Variants in ATE1 observed in about 807,000 individuals in gnomAD.
ATE1 encodes the protein arginyl-tRNA--protein transferase 1.
A neutral mutation model predicts 70.5 loss-of-function variants in ATE1; 36 were observed. The ratio of observed to expected loss-of-function variants is 0.51; its 90% CI spans 0.39 to 0.67. The LOEUF is 0.67. ATE1 is among the 30% of genes least tolerant of loss of function. ATE1 has a pLI of 0.00. For synonymous variants in ATE1, 232 were observed against 219.3 expected, an observed-to-expected ratio of 1.06 and a Z score of -0.51; for missense variants, 593 against 629.5, an observed-to-expected ratio of 0.94 and a Z score of 0.62.
At chr10:121,811,439 A>G (rs1003115835) in intron 10 of ATE1, among the ~76,000 whole-genome samples, 3 of 152,242 alleles carry the variant, frequency 2.0e-5, no homozygotes, top group Non-Finnish European at 2.9e-5. Context: ...AATATTTACA[A>G]ATAAATAGTT....
At chr10:121,744,487 C>G (rs1452433091) in intron 11 of ATE1, among the ~76,000 whole-genome samples, 3 of 152,116 alleles carry the variant, frequency 2.0e-5, no homozygotes, top group Non-Finnish European at 4.4e-5. Context: ...ATAAAGTTTA[C>G]AACTCTCCGG....
At chr10:121,889,604 A>G (rs1466493848) in intron 7 of ATE1, among the ~76,000 whole-genome samples, 1 of 152,120 alleles carries the variant, frequency 6.6e-6, no homozygotes, top group Non-Finnish European at 1.5e-5. Flanking sequence ...GGAGTTCAAG[A>G]CCAGCCTGAG....
At chr10:121,905,925 T>C (rs1011629117) in intron 5 of ATE1, among the ~76,000 whole-genome samples, 1 of 151,988 alleles carries the variant, frequency 6.6e-6, no homozygotes, top group East Asian at 1.9e-4. Context: ...TTCAACAGAA[T>C]GAAAATAGAT....
At chr10:121,749,974 C>G (rs533115478) in intron 11 of ATE1, among the ~76,000 whole-genome samples, 1 of 152,304 alleles carries the variant, frequency 6.6e-6, no homozygotes, top group Non-Finnish European at 1.5e-5. Flanking sequence ...GCTTAATGTT[C>G]TGTGGTCTTA....
intron 11 of ATE1, among the ~76,000 whole-genome samples, chr10:121,760,429 G>C (rs576701820): frequency 6.6e-6 from 1 of 152,328 alleles, no homozygotes; most frequent in South Asian, 2.1e-4. Context: ...ACAGACATTT[G>C]GACGAAGTTG....
intron 8 of ATE1, among the ~76,000 whole-genome samples, chr10:121,856,674 AG>A (rs1271276743): frequency 6.6e-6 from 1 of 152,264 alleles, no homozygotes; most frequent in Non-Finnish European, 1.5e-5. Context: ...TAGTCTATTA[AG>A]TGTGCAACAG....
intron 7 of ATE1, among the ~76,000 whole-genome samples, chr10:121,873,194 G>C (rs2134044356): frequency 6.6e-6 from 1 of 152,186 alleles, no homozygotes; most frequent in Non-Finnish European, 1.5e-5. Context: ...TGATTCACTT[G>C]ATAAAATTTA....
chr10:121,916,416 A>T (rs1372585875), intron 3 of ATE1, among the ~76,000 whole-genome samples: 1 of 152,098 alleles, frequency 6.6e-6, no homozygotes, highest in African/African-American at 2.4e-5. Context: ...TTGAGCAGTG[A>T]ATCAAAGTTT....
chr10:121,790,277 G>C lies in ATE1; in HGVS notation c.1270C>G (p.Pro424Ala). 1.9e-6 allele frequency: 3 copies of C among 1,613,914 alleles called. No homozygotes were observed. Among genetic ancestry groups the C allele is most frequent in the Non-Finnish European group, 2.5e-6 (3 of 1,179,902 alleles). Residue 424 changes from proline (P) to alanine (A), a missense_variant, in exon 11 of 12, where the codon CCT becomes GCT. Around this residue, in one of 3 missense-constraint regions of ATE1, gnomAD observed 36 missense variants for 66.3 expected, o/e 0.54. Transcript: ENST00000224652. ...GTCTCAGGGCACAGCAAATCAGAAG[G>C]TCTATACTGACCCTGAAGAAAAGTG... ...PKMKYKGQYR[P>A]SDLLCPETYV...
rs1951016629 is a variant in ATE1 at position 121,902,401 on chromosome 10, T to C, written c.803A>G (p.His268Arg). ...AGTCCTCCAAAGTACCTCTAACTTG[T>C]GTGATGCATTCTCTGGTAAAGACTC... is the stretch of plus-strand genomic sequence containing the variant. ...IFESLPENAS[H>R]KLEVRVVRSS... The change falls in exon 6 of 12, where the codon CAC (histidine) becomes CGC (arginine). Residue 268 changes from histidine (H) to arginine (R), a missense_variant. Transcript: ENST00000224652. 1.9e-6 allele frequency: 3 copies of C among 1,613,738 alleles called. No homozygotes were observed. Among genetic ancestry groups the C allele is most frequent in the Non-Finnish European group, 2.5e-6 (3 of 1,179,722 alleles).
chr10:121,876,923 G>A (rs1370613010), intron 7 of ATE1, among the ~76,000 whole-genome samples: 5 of 148,138 alleles, frequency 3.4e-5, no homozygotes, highest in Non-Finnish European at 4.4e-5. Flanking sequence ...CCGAGATAGC[G>A]CCACTGCACT....
At chr10:121,844,278 A>G (rs1439954291) in intron 8 of ATE1, among the ~76,000 whole-genome samples, 1 of 152,238 alleles carries the variant, frequency 6.6e-6, no homozygotes, top group Non-Finnish European at 1.5e-5. Context: ...ATAAGGGAGA[A>G]GGGGCAAATG....
At chr10:121,897,634 T>C (rs1950828574) in intron 7 of ATE1, among the ~76,000 whole-genome samples, 1 of 152,102 alleles carries the variant, frequency 6.6e-6, no homozygotes, top group African/African-American at 2.4e-5. Context: ...AAGACCAACC[T>C]AGCCAACATG....
At chr10:121,839,362 A>G (rs1316972769) in intron 9 of ATE1, among the ~76,000 whole-genome samples, 1 of 152,224 alleles carries the variant, frequency 6.6e-6, no homozygotes, top group Admixed American at 6.5e-5. Context: ...TGTAGAAATA[A>G]ATTTCACCCT....
At chr10:121,831,587 T>C (rs948747554) in intron 10 of ATE1, among the ~76,000 whole-genome samples, 3 of 152,190 alleles carry the variant, frequency 2.0e-5, no homozygotes, top group African/African-American at 7.2e-5. Context: ...CCTAGTAACA[T>C]TTCATGCTGA....
upstream of ATE1, chr10:121,928,173 GGCCGCC>G (rs1952183437): frequency 2.3e-6 from 3 of 1,295,032 alleles, no homozygotes; most frequent in Admixed American, 1.2e-4. Flanking sequence ...CTCCATAAGG[GGCCGCC>G]GTCGTCAGTG....
intron 11 of ATE1, among the ~76,000 whole-genome samples, chr10:121,763,298 A>C (rs1945132635): frequency 6.6e-6 from 1 of 152,240 alleles, no homozygotes; most frequent in African/African-American, 2.4e-5. Context: ...TCTATACAAA[A>C]ATACACAAAA....
chr10:121,771,734 A>G (rs1945526739), intron 11 of ATE1, among the ~76,000 whole-genome samples: 1 of 152,216 alleles, frequency 6.6e-6, no homozygotes, highest in African/African-American at 2.4e-5. Context: ...AAGACTTTAC[A>G]TTTCCATTCA....
At chr10:121,814,051 T>C (rs1418450091) in intron 10 of ATE1, among the ~76,000 whole-genome samples, 1 of 152,192 alleles carries the variant, frequency 6.6e-6, no homozygotes, top group Non-Finnish European at 1.5e-5. Flanking sequence ...TGAAACGGAC[T>C]TCCCTGTATA....
Sources: gnomAD v4.1 joint callset for allele counts (sites outside exome capture counted in the v4.1 genomes callset) on GRCh38, gnomAD v4.1.1 for gene constraint, gnomAD v4.1.1 regional missense constraint, MANE v1.5 for transcripts, NCBI Gene and HGNC (gene_info 2026-07-23, HGNC 2026-07-21) for gene names.